MGAT4C: variants seen among roughly 807,000 people sequenced by gnomAD.
MGAT4C encodes the protein alpha-1,3-mannosyl-glycoprotein 4-beta-N-acetylglucosaminyltransferase C.
MGAT4C carries 19 observed loss-of-function variants against 40.1 expected under a neutral mutation model. That is an observed-to-expected ratio of 0.47 (90% CI 0.33 to 0.70). The LOEUF is 0.70. MGAT4C is among the 30% of genes least tolerant of loss of function. The pLI is 0.02. For missense variants in MGAT4C, 491 were observed against 563.2 expected, an observed-to-expected ratio of 0.87 and a Z score of 1.30; for synonymous variants, 181 against 187.1, an observed-to-expected ratio of 0.97 and a Z score of 0.27.
chr12:86,697,775 G>A (rs1950283410), intron 2 of MGAT4C, among the ~76,000 whole-genome samples: 1 of 151,976 alleles, frequency 6.6e-6, no homozygotes, highest in Non-Finnish European at 1.5e-5. Flanking sequence ...AGTGACAAAG[G>A]TAATGCAAGT....
At chr12:86,335,410 C>A (rs1203574969) in intron 3 of MGAT4C, among the ~76,000 whole-genome samples, 1 of 152,126 alleles carries the variant, frequency 6.6e-6, no homozygotes, top group Non-Finnish European at 1.5e-5. Flanking sequence ...ATGGCCTTAT[C>A]TCCCAGTCTC....
At chr12:86,781,424 T>C (rs1323321859) in intron 1 of MGAT4C, among the ~76,000 whole-genome samples, 1 of 152,148 alleles carries the variant, frequency 6.6e-6, no homozygotes, top group Non-Finnish European at 1.5e-5. Flanking sequence ...AAAATGATAG[T>C]ATAGAAGATT....
chr12:86,772,221 G>T (rs1951652139), intron 1 of MGAT4C, among the ~76,000 whole-genome samples: 1 of 152,272 alleles, frequency 6.6e-6, no homozygotes, highest in East Asian at 1.9e-4. Flanking sequence ...GATCTGTGAA[G>T]GATCCTCCTG....
intron 1 of MGAT4C, among the ~76,000 whole-genome samples, chr12:86,239,846 A>G (rs1367413163): frequency 1.4e-5 from 2 of 140,682 alleles, no homozygotes; most frequent in Non-Finnish European, 3.1e-5. Context: ...GGAGACATAA[A>G]AGGGGAATAT....
intron 2 of MGAT4C, among the ~76,000 whole-genome samples, chr12:86,603,542 A>T (rs1380466536): frequency 0.014 from 213 of 15,194 alleles, 22 homozygotes; most frequent in South Asian, 0.073. Flanking sequence ...TAGTCTATAG[A>T]CTATAGATAA....
At chr12:86,047,384 A>T (rs1892502699) in intron 2 of MGAT4C, among the ~76,000 whole-genome samples, 1 of 152,102 alleles carries the variant, frequency 6.6e-6, no homozygotes, top group African/African-American at 2.4e-5. Context: ...ATACACACAC[A>T]TGTGTATGTA....
intron 2 of MGAT4C, among the ~76,000 whole-genome samples, chr12:86,489,840 G>C (rs1958097132): frequency 6.6e-6 from 1 of 152,232 alleles, no homozygotes; most frequent in African/African-American, 2.4e-5. Context: ...AAGATGAAAT[G>C]AATGAAATGA....
intron 1 of MGAT4C, among the ~76,000 whole-genome samples, chr12:86,241,146 G>A (rs1951768031): frequency 6.6e-6 from 1 of 152,100 alleles, no homozygotes; most frequent in Non-Finnish European, 1.5e-5. Context: ...GTCCCTCACT[G>A]ATAATGTTAA....
At chr12:86,348,542 A>G (rs1955089450) in intron 3 of MGAT4C, among the ~76,000 whole-genome samples, 1 of 152,138 alleles carries the variant, frequency 6.6e-6, no homozygotes, top group Non-Finnish European at 1.5e-5. Context: ...TAAATTGCAT[A>G]CATTATTGCT....
chr12:86,700,065 TA>T (rs1555220816), intron 2 of MGAT4C, among the ~76,000 whole-genome samples: 30 of 27,694 alleles, frequency 1.1e-3, no homozygotes, highest in Middle Eastern at 0.037. Context: ...GATAGATAGA[TA>T]AGATAGATAG....
chr12:86,229,722 GA>G (rs1208377288), intron 1 of MGAT4C, among the ~76,000 whole-genome samples: 3 of 151,936 alleles, frequency 2.0e-5, no homozygotes, highest in Non-Finnish European at 4.4e-5. Context: ...TCTTAAAATG[GA>G]ATAAACTTCT....
intron 2 of MGAT4C, among the ~76,000 whole-genome samples, chr12:86,489,871 G>C (rs943884440): frequency 6.6e-6 from 1 of 152,154 alleles, no homozygotes; most frequent in Non-Finnish European, 1.5e-5. Flanking sequence ...GAAGTTTAGA[G>C]AAAAAAGAAT....
intron 4 of MGAT4C, among the ~76,000 whole-genome samples, chr12:86,291,325 T>C (rs1953509555): frequency 1.3e-5 from 2 of 152,196 alleles, no homozygotes; most frequent in African/African-American, 4.8e-5. Context: ...AGCATGAACA[T>C]GAGATGGGTT....
At chr12:86,386,525 A>G (rs1404045034) in intron 3 of MGAT4C, among the ~76,000 whole-genome samples, 1 of 152,208 alleles carries the variant, frequency 6.6e-6, no homozygotes, top group Non-Finnish European at 1.5e-5. Context: ...CAGTTGAAAC[A>G]TATCTTATTT....
intron 2 of MGAT4C, among the ~76,000 whole-genome samples, chr12:85,996,536 A>G (rs545799580): frequency 1.3e-5 from 2 of 152,306 alleles, no homozygotes; most frequent in South Asian, 4.1e-4. Flanking sequence ...GACAACTGAT[A>G]TAGCTATCTA....
intron 1 of MGAT4C, among the ~76,000 whole-genome samples, chr12:86,163,686 T>TA (rs1246703283): frequency 2.0e-5 from 3 of 152,128 alleles, no homozygotes; most frequent in Admixed American, 6.6e-5. Context: ...GAATGCTTAA[T>TA]AAAAAATACA....
intron 1 of MGAT4C, among the ~76,000 whole-genome samples, chr12:86,181,114 T>C (rs1373197028): frequency 6.6e-6 from 1 of 152,176 alleles, no homozygotes; most frequent in African/African-American, 2.4e-5. Context: ...TATCAGTTAA[T>C]CAGGTGTTTC....
chr12:86,200,658 C>T (rs748147872), intron 1 of MGAT4C, among the ~76,000 whole-genome samples: 3 of 151,032 alleles, frequency 2.0e-5, no homozygotes, highest in Non-Finnish European at 4.4e-5. Context: ...GTAGATTTTG[C>T]TCATTTTTCA....
chr12:86,730,808 G>T (rs1950895847), intron 1 of MGAT4C, among the ~76,000 whole-genome samples: 4 of 152,070 alleles, frequency 2.6e-5, no homozygotes, highest in Non-Finnish European at 4.4e-5. Flanking sequence ...TAAGGATTAT[G>T]ATCCTCCTCT....
Sources: allele counts gnomAD v4.1 joint callset (sites outside exome capture counted in the v4.1 genomes callset), GRCh38; gene constraint gnomAD v4.1.1; transcripts MANE v1.5; gene names NCBI Gene and HGNC (gene_info 2026-07-23, HGNC 2026-07-21).